SLC44A5: variants seen among roughly 807,000 people sequenced by gnomAD.
The protein encoded by SLC44A5 is choline transporter-like protein 5.
SLC44A5 carries 57 observed loss-of-function variants against 101.8 expected under a neutral mutation model. That is an observed-to-expected ratio of 0.56 (90% CI 0.45 to 0.70). The LOEUF (loss-of-function observed/expected upper bound fraction) is 0.70. Among genes scored for constraint, SLC44A5 ranks in the 30% least tolerant of loss-of-function variants. The pLI is 0.00. For missense variants in SLC44A5, 737 were observed against 853.1 expected (o/e 0.86, Z 1.70); for synonymous variants, 281 against 290.9 (o/e 0.97, Z 0.35).
intron 3 of SLC44A5, among the ~76,000 whole-genome samples, chr1:75,393,205 C>T (rs970044709): frequency 2.0e-5 from 3 of 152,124 alleles, no homozygotes; most frequent in Admixed American, 6.6e-5. Flanking sequence ...TATCTAAACA[C>T]TGTTTTCATT....
intron 2 of SLC44A5, among the ~76,000 whole-genome samples, chr1:75,482,939 G>T (rs555563514): frequency 2.0e-5 from 3 of 152,060 alleles, no homozygotes; most frequent in African/African-American, 7.2e-5. Context: ...ATAAAATAAA[G>T]TCACATGATA....
intron 2 of SLC44A5, among the ~76,000 whole-genome samples, chr1:75,496,973 C>T (rs1668711014): frequency 6.6e-6 from 1 of 151,750 alleles, no homozygotes. Context: ...ATCAAAAAGA[C>T]AAAAAATAAG....
chr1:75,203,904 T>C, intron 23 of SLC44A5, 71 bp from the exon 24 acceptor site: 2 of 1,459,698 alleles, frequency 1.4e-6, no homozygotes, highest in African/African-American at 1.4e-5. Flanking sequence ...CCATCTGCTG[T>C]ATACTCGCTT....
chr1:75,521,299 T>C (rs1215931185), intron 2 of SLC44A5, among the ~76,000 whole-genome samples: 2 of 152,090 alleles, frequency 1.3e-5, no homozygotes, highest in Non-Finnish European at 2.9e-5. Flanking sequence ...AGCAGGGAAA[T>C]AGTGTAACGT....
At chr1:75,716,217 C>T in the SLC44A5 span, among the ~76,000 whole-genome samples, 20 of 152,156 alleles carry the variant, frequency 1.3e-4, no homozygotes, top group Admixed American at 9.2e-4. Flanking sequence ...CATTGGTTCA[C>T]ACCTGTAATC....
chr1:75,253,358 G>A (rs1418153700), intron 6 of SLC44A5, among the ~76,000 whole-genome samples: 1 of 151,654 alleles, frequency 6.6e-6, no homozygotes, highest in African/African-American at 2.4e-5. Flanking sequence ...AACAGAAAGT[G>A]TCTGAAAACT....
intron 18 of SLC44A5, among the ~76,000 whole-genome samples, chr1:75,216,412 G>A (rs780408732): frequency 6.6e-6 from 1 of 151,866 alleles, no homozygotes; most frequent in Non-Finnish European, 1.5e-5. Flanking sequence ...ACAGTGATGT[G>A]CAAGTATCTG....
At chr1:75,611,462 A>G (rs1675653762), upstream of SLC44A5, among the ~76,000 whole-genome samples, 1 of 152,144 alleles carries the variant, frequency 6.6e-6, no homozygotes, top group Non-Finnish European at 1.5e-5. Context: ...ACTTACCAAC[A>G]TCTCTACAGT....
intron 2 of SLC44A5, among the ~76,000 whole-genome samples, chr1:75,505,273 C>T (rs1282514735): frequency 6.6e-6 from 1 of 152,014 alleles, no homozygotes; most frequent in Non-Finnish European, 1.5e-5. Flanking sequence ...TAATGGGCAC[C>T]TAGTTTGATT....
the SLC44A5 span, among the ~76,000 whole-genome samples, chr1:75,647,781 G>C: frequency 6.6e-6 from 1 of 152,046 alleles, no homozygotes; most frequent in Non-Finnish European, 1.5e-5. Flanking sequence ...TCTCCCTTTT[G>C]GAATGGGAGC....
intron 3 of SLC44A5, 59 bp from the exon 4 acceptor site, chr1:75,339,689 TA>T: frequency 7.0e-7 from 1 of 1,437,400 alleles, no homozygotes; most frequent in Non-Finnish European, 9.6e-7. Context: ...TAATATAAAA[TA>T]TTAATGAAGA....
At chr1:75,698,787 T>C in the SLC44A5 span, among the ~76,000 whole-genome samples, 4 of 151,878 alleles carry the variant, frequency 2.6e-5, no homozygotes, top group Admixed American at 6.6e-5. Context: ...ACTAGAATAA[T>C]CAATATAGAG....
chr1:75,214,474 A>C, intron 20 of SLC44A5, 131 bp downstream of exon 20: 1 of 648,930 alleles, frequency 1.5e-6, no homozygotes, highest in South Asian at 2.8e-5. Context: ...GAGAATATTT[A>C]AATCTATCAA....
At chr1:75,670,386 A>G in the SLC44A5 span, among the ~76,000 whole-genome samples, 1 of 152,176 alleles carries the variant, frequency 6.6e-6, no homozygotes, top group African/African-American at 2.4e-5. Flanking sequence ...AAAAAATTCT[A>G]GACAACACAA....
At chr1:75,417,740 A>G (rs925882506) in intron 2 of SLC44A5, among the ~76,000 whole-genome samples, 1 of 152,256 alleles carries the variant, frequency 6.6e-6, no homozygotes, top group Non-Finnish European at 1.5e-5. Context: ...GGCAAGGGTA[A>G]GAATGGCTAA....
intron 22 of SLC44A5, 128 bp from the exon 23 acceptor site, chr1:75,211,680 A>G: frequency 3.3e-6 from 2 of 603,256 alleles, no homozygotes; most frequent in Admixed American, 6.1e-5. Context: ...AGTTCAGTAT[A>G]GAGACCAAAA....
intron 2 of SLC44A5, among the ~76,000 whole-genome samples, chr1:75,397,564 A>T (rs1662204622): frequency 6.6e-6 from 1 of 152,156 alleles, no homozygotes; most frequent in Admixed American, 6.6e-5. Context: ...AATAGTAACC[A>T]ACTTTTGAAC....
At chr1:75,497,197 C>A (rs1354831408) in intron 2 of SLC44A5, among the ~76,000 whole-genome samples, 2 of 151,966 alleles carry the variant, frequency 1.3e-5, no homozygotes, top group Non-Finnish European at 2.9e-5. Context: ...ATGTTCATTG[C>A]AGCATTATTC....
intron 4 of SLC44A5, among the ~76,000 whole-genome samples, chr1:75,322,733 CAAACA>C (rs986161941): frequency 6.6e-6 from 1 of 152,046 alleles, no homozygotes; most frequent in Non-Finnish European, 1.5e-5. Context: ...AACAAACAAA[CAAACA>C]AAACACTGCA....
Sources: allele counts gnomAD v4.1 joint callset (sites outside exome capture counted in the v4.1 genomes callset), GRCh38; gene constraint gnomAD v4.1.1; transcripts MANE v1.5; gene names NCBI Gene and HGNC (gene_info 2026-07-23, HGNC 2026-07-21).